Variants in NRP2 observed in about 807,000 individuals in gnomAD.
NRP2 encodes the protein neuropilin-2.
A neutral mutation model predicts 110.4 loss-of-function variants in NRP2; 52 were observed. The observed-to-expected ratio is 0.47, with a 90% CI of 0.38 to 0.59. The LOEUF (loss-of-function observed/expected upper bound fraction) is 0.59, where lower values mean the gene tolerates loss of function less well. Ranked by LOEUF, NRP2 falls within the 20% of genes least tolerant of loss-of-function variation. The pLI is 0.00. For missense variants in NRP2, 1,049 were observed against 1,203.0 expected (o/e 0.87, Z 1.89); for synonymous variants, 508 against 468.9 (o/e 1.08, Z -1.08).
intron 15 of NRP2, among the ~76,000 whole-genome samples, chr2:205,791,389 G>A (rs1241919240): frequency 1.3e-5 from 2 of 152,194 alleles, no homozygotes; most frequent in African/African-American, 4.8e-5. Flanking sequence ...ATGATAAGAT[G>A]TTGCTCTTTG....
In NRP2 at chr2:205,727,878, C is replaced by T. The variant is rs201819612; in HGVS notation, c.991-13C>T. 5.6e-6 allele frequency: 9 copies of T among 1,610,342 alleles called. 1 individual carries two copies. In the South Asian group the frequency reaches 7.8e-5, roughly 14 times the overall value. On this transcript the variant is annotated splice_polypyrimidine_tract_variant and intron_variant, in intron 6 of 16. Transcript: ENST00000357785. ...GGAATGGTGGTCTCTTACTCCAGCC[C>T]TCTATTCCCCAGGTGGACCTGCGCT...
At chr2:205,746,438 C>T (rs940252894) in intron 10 of NRP2, among the ~76,000 whole-genome samples, 1 of 152,232 alleles carries the variant, frequency 6.6e-6, no homozygotes, top group African/African-American at 2.4e-5. Context: ...CCTTGGGGAA[C>T]ACCTCTCATC....
At chr2:205,735,593 A>G (rs935023807) in intron 7 of NRP2, among the ~76,000 whole-genome samples, 2 of 151,872 alleles carry the variant, frequency 1.3e-5, no homozygotes, top group Non-Finnish European at 2.9e-5. Flanking sequence ...AATGGTCAAA[A>G]TGCACTGATT....
intron 15 of NRP2, among the ~76,000 whole-genome samples, chr2:205,791,124 C>T (rs1377486164): frequency 2.0e-5 from 3 of 152,160 alleles, no homozygotes; most frequent in Admixed American, 6.5e-5. Flanking sequence ...AGATCTTCCC[C>T]GAGATGTAGT....
intron 15 of NRP2, among the ~76,000 whole-genome samples, chr2:205,772,180 A>G (rs2058033283): frequency 6.6e-6 from 1 of 152,232 alleles, no homozygotes; most frequent in African/African-American, 2.4e-5. Flanking sequence ...TTGGAGGGTC[A>G]TGAGGAATAA....
At chr2:205,736,074 G>C (rs2057336681) in intron 7 of NRP2, among the ~76,000 whole-genome samples, 1 of 152,156 alleles carries the variant, frequency 6.6e-6, no homozygotes, top group Admixed American at 6.5e-5. Flanking sequence ...AGGCATGGTG[G>C]CTCACACCTG....
At chr2:205,749,504 GT>G (rs1257012943) in intron 10 of NRP2, among the ~76,000 whole-genome samples, 1 of 152,096 alleles carries the variant, frequency 6.6e-6, no homozygotes, top group African/African-American at 2.4e-5. Context: ...GTGGGTTTGT[GT>G]CCCTACCTCT....
At chr2:205,743,862 G>A (rs2057490368) in intron 9 of NRP2, among the ~76,000 whole-genome samples, 1 of 152,110 alleles carries the variant, frequency 6.6e-6, no homozygotes, top group Admixed American at 6.5e-5. Flanking sequence ...TCCAGCCTCA[G>A]CCTCCTGAGT....
intron 2 of NRP2, among the ~76,000 whole-genome samples, chr2:205,708,681 A>G (rs2056737428): frequency 2.6e-5 from 4 of 152,172 alleles, no homozygotes; most frequent in Non-Finnish European, 4.4e-5. Context: ...CTTGCCTTCA[A>G]GGTTTTTTGG....
intron 1 of NRP2, among the ~76,000 whole-genome samples, chr2:205,695,286 A>C (rs573033856): frequency 6.6e-6 from 1 of 152,352 alleles, no homozygotes; most frequent in South Asian, 2.1e-4. Flanking sequence ...ATATATATAT[A>C]GTTTAATTTT....
chr2:205,688,072 T>C (rs777864827), intron 1 of NRP2, among the ~76,000 whole-genome samples: 7 of 152,144 alleles, frequency 4.6e-5, no homozygotes, highest in Non-Finnish European at 8.8e-5. Context: ...CCAAATATAT[T>C]CTCCAAAGGT....
intron 8 of NRP2, among the ~76,000 whole-genome samples, chr2:205,741,285 A>T (rs528714417): frequency 6.6e-6 from 1 of 152,342 alleles, no homozygotes; most frequent in Admixed American, 6.5e-5. Context: ...AGGGGATTTG[A>T]CCCAGCCTAG....
chr2:205,726,151 A>G lies in NRP2; in HGVS notation c.990+69A>G, dbSNP rs893019792. On this transcript the variant is annotated intron_variant, in intron 6 of 16. Coordinates refer to ENST00000357785, the MANE Select transcript of NRP2 (RefSeq NM_003872.3). ...GCTGGGGTAGGAGGGTAGCTCCTCAAATACAGTAGGCAGAGGACACAAAGA... is the reference window on the plus strand; with the variant it reads ...GCTGGGGTAGGAGGGTAGCTCCTCAGATACAGTAGGCAGAGGACACAAAGA... The G allele has an allele frequency of 4.7e-6, 7 of 1,484,852 alleles. No individual in the cohort carries two copies. In the Admixed American group the frequency reaches 5.1e-5, roughly 11 times the overall value. 92.0% of individuals were successfully genotyped at this position (1,484,852 alleles called of 1,614,324 possible). A position where few individuals can be genotyped will look rare whatever the true frequency, so the allele number is the denominator to read the frequency against.
chr2:205,798,110 T>A lies in NRP2; in HGVS notation c.*3052T>A, dbSNP rs2058365544. On this transcript the variant is annotated 3_prime_UTR_variant, in exon 17 of 17. Transcript: ENST00000357785. ...ATAAAGCCTTTTTAAGATTACTATT[T>A]AAATAAACATTATACCAGAGATATT... 6.6e-6 allele frequency: 1 copy of A among 152,248 alleles called. No homozygotes were observed. The highest frequency in any genetic ancestry group is 1.5e-5 in the Non-Finnish European group (1 of 67,978). The allele number at this position is 152,248 out of a possible 1,614,324, so 9.4% of individuals were successfully genotyped here.
Position 205,716,217 on chromosome 2 carries a change from T to G in NRP2, c.276T>G (p.Asp92Glu). The G allele has an allele frequency of 6.2e-7, 1 of 1,614,146 alleles. No individual in the cohort carries two copies. Among genetic ancestry groups the G allele is most frequent in the Non-Finnish European group, 8.5e-7 (1 of 1,180,028 alleles). ...GGTATGACTTTATCGAGATTCGGGATGGGGACAGTGAATCCGCAGACCTCC... is the reference window on the plus strand; with the variant it reads ...GGTATGACTTTATCGAGATTCGGGAGGGGGACAGTGAATCCGCAGACCTCC... ...DCKYDFIEIRDGDSESADLLG... is the reference protein window; with the variant it reads ...DCKYDFIEIREGDSESADLLG... The change falls in exon 3 of 17, where the codon GAT (aspartate) becomes GAG (glutamate). Residue 92 changes from aspartate (D) to glutamate (E), a missense_variant. Asp to Glu is a conservative substitution (Grantham distance 45, BLOSUM62 2). Coordinates refer to ENST00000357785, the MANE Select transcript of NRP2 (RefSeq NM_003872.3).
At position 205,716,388 on chromosome 2, in the gene NRP2, C is replaced by G. The variant is rs756581851; in HGVS notation, c.433+14C>G. 6.2e-7 allele frequency: 1 copy of G among 1,613,130 alleles called. No individual in the cohort carries two copies. Among genetic ancestry groups the G allele is most frequent in the South Asian group, 1.1e-5 (1 of 91,006 alleles). On this transcript the variant is annotated intron_variant, in intron 3 of 16. Transcript: ENST00000357785. Reference sequence around the variant, plus strand: ...TCTTCAAGACAGGTCAGTGTGGTCACACGTAGGGGCCGGGAGATGGGCGTC... The same window carrying G: ...TCTTCAAGACAGGTCAGTGTGGTCAGACGTAGGGGCCGGGAGATGGGCGTC...
At position 205,727,887 on chromosome 2, in the gene NRP2, C is replaced by G. The variant is rs1198245428; in HGVS notation, c.991-4C>G. On this transcript the variant is annotated splice_region_variant and splice_polypyrimidine_tract_variant and intron_variant, in intron 6 of 16. Transcript: ENST00000357785. ...GTCTCTTACTCCAGCCCTCTATTCC[C>G]CAGGTGGACCTGCGCTTTTTAACCA... The G allele has an allele frequency of 1.2e-6, 2 of 1,612,140 alleles. No homozygotes were observed. The highest frequency in any genetic ancestry group is 1.7e-5 in the Admixed American group (1 of 59,860).
At chr2:205,697,867 A>G in intron 2 of NRP2, 146 bp downstream of exon 2, 1 of 820,770 alleles carries the variant, frequency 1.2e-6, no homozygotes, top group Non-Finnish European at 2.1e-6. Context: ...GAAAACCTCA[A>G]GGGGCATTCC....
intron 1 of NRP2, among the ~76,000 whole-genome samples, chr2:205,691,781 A>G (rs1559305171): frequency 6.6e-6 from 1 of 152,226 alleles, no homozygotes; most frequent in Non-Finnish European, 1.5e-5. Context: ...AGAGGACATA[A>G]ATATAAACTA....
Sources: allele counts gnomAD v4.1 joint callset (sites outside exome capture counted in the v4.1 genomes callset), GRCh38; gene constraint gnomAD v4.1.1; transcripts MANE v1.5; gene names NCBI Gene and HGNC (gene_info 2026-07-23, HGNC 2026-07-21).